The following SNX6 variants were observed in gnomAD, a reference collection of about 807,000 sequenced individuals.
SNX6 encodes the protein sorting nexin 6.
Under a neutral mutation model 63.0 loss-of-function variants are expected in SNX6, and 34 were observed. That is an observed-to-expected ratio of 0.54 (90% CI 0.41 to 0.72). SNX6 has a LOEUF of 0.72. Among genes scored for constraint, SNX6 ranks in the 30% least tolerant of loss-of-function variants. The pLI is 0.00. For synonymous variants in SNX6, 170 were observed against 164.2 expected (o/e 1.04, Z -0.27); for missense variants, 398 against 471.4 (o/e 0.84, Z 1.44).
chr14:34,592,228 A>G (rs1302618510), intron 8 of SNX6, among the ~76,000 whole-genome samples: 1 of 152,042 alleles, frequency 6.6e-6, no homozygotes, highest in Non-Finnish European at 1.5e-5. Context: ...TCTACTAAAA[A>G]TACAAAAATT....
Position 34,603,373 on chromosome 14 carries a change from T to C in SNX6, c.491A>G (p.His164Arg), listed in dbSNP as rs1566483836. ...HPILRRDLNF[H>R]VFLEYNQDLS... ...ATCTTGATTATATTCCAAGAAGACA[T>C]GGAAATTTAAATCTCTTCTCAAAAT... The change falls in exon 6 of 14, where the codon CAT (histidine) becomes CGT (arginine). Residue 164 changes from histidine to arginine, a missense_variant. His to Arg is a conservative substitution (Grantham distance 29). Coordinates refer to ENST00000362031, the MANE Select transcript of SNX6 (RefSeq NM_152233.4). The C allele has an allele frequency of 1.9e-6, 3 of 1,610,680 alleles. No individual in the cohort carries two copies. Among genetic ancestry groups the C allele is most frequent in the Non-Finnish European group, 2.5e-6 (3 of 1,178,610 alleles).
intron 2 of SNX6, among the ~76,000 whole-genome samples, chr14:34,625,194 A>G (rs1331312619): frequency 6.6e-6 from 1 of 152,054 alleles, no homozygotes; most frequent in African/African-American, 2.4e-5. Context: ...GGATTATAGG[A>G]GTGAGCCACT....
rs147604232 is a variant in SNX6 at position 34,567,740 on chromosome 14, A to G, written c.1113T>C (p.Ala371=). Residue 371 remains alanine, a synonymous_variant, in exon 13 of 14, where the codon GCT becomes GCC. Transcript: ENST00000362031. The part of the protein sequence containing the change: ...ELIDFKTRRV[A]AFRKNLVELA... The stretch of plus-strand genomic sequence containing the variant: ...GTTCCACTAAATTTTTTCTGAATGC[A>G]GCAACTCTTCTTGTCTTAAAATCTA... The G allele has an allele frequency of 1.4e-5, 22 of 1,613,766 alleles. No homozygotes were observed. In the African/African-American group the frequency reaches 2.1e-4, roughly 16 times the overall value.
chr14:34,574,218 C>T (rs1268653283), intron 11 of SNX6, among the ~76,000 whole-genome samples: 1 of 151,298 alleles, frequency 6.6e-6, no homozygotes, highest in African/African-American at 2.4e-5. Flanking sequence ...CACCTGTAAT[C>T]CCAGCTACTT....
intron 11 of SNX6, chr14:34,568,686 G>A (rs1050052489): frequency 1.2e-6 from 1 of 864,048 alleles, no homozygotes; most frequent in Non-Finnish European, 1.9e-6. Context: ...AGCATGGTTT[G>A]TTCTAATGCT....
chr14:34,581,649 C>T, intron 9 of SNX6, 49 bp from the exon 10 acceptor site: 2 of 1,183,260 alleles, frequency 1.7e-6, no homozygotes, highest in Non-Finnish European at 2.5e-6. Flanking sequence ...AGTAATTTTC[C>T]ATTTCAAATG....
chr14:34,619,166 G>A (rs1883531948), intron 2 of SNX6, among the ~76,000 whole-genome samples: 1 of 152,210 alleles, frequency 6.6e-6, no homozygotes, highest in Non-Finnish European at 1.5e-5. Flanking sequence ...GCTTATGCCT[G>A]TAATCCCAAC....
At chr14:34,605,447 T>C (rs1468707036) in intron 5 of SNX6, 149 bp downstream of exon 5, 1 of 581,056 alleles carries the variant, frequency 1.7e-6, no homozygotes, top group Non-Finnish European at 2.9e-6. Flanking sequence ...TGATCATTAA[T>C]ACTGGTTGTA....
intron 8 of SNX6, among the ~76,000 whole-genome samples, chr14:34,588,081 C>T (rs962487405): frequency 2.0e-5 from 3 of 151,498 alleles, no homozygotes; most frequent in Non-Finnish European, 1.5e-5. Context: ...AATCTCAGCT[C>T]ACTGCAAGCT....
At chr14:34,626,618 G>A (rs1461831125) in intron 2 of SNX6, among the ~76,000 whole-genome samples, 1 of 143,778 alleles carries the variant, frequency 7.0e-6, no homozygotes, top group Non-Finnish European at 1.5e-5. Context: ...GCAGCGAGCT[G>A]AGATCACGCC....
rs34881787 is a variant in SNX6, at chr14:34,575,196, ATTT to A, written c.921+557_921+559del. Among the ~76,000 whole-genome samples the A allele has an allele frequency of 2.2e-4, 24 of 110,996 alleles. 1 individual carries two copies. Among genetic ancestry groups the A allele is most frequent in the Non-Finnish European group, 2.6e-4 (14 of 53,222 alleles). 72.8% of individuals were successfully genotyped at this position (110,996 alleles called of 152,430 possible). A position where few individuals can be genotyped will look rare whatever the true frequency, so the allele number is the denominator to read the frequency against. On this transcript the variant is annotated intron_variant, in intron 11 of 13. Transcript: ENST00000362031. ...GCATGAGCCACCACCCCTGGCCTCAATTTTTTTTTTTTTTTTTTTGAGACAGAG... is the reference window on the plus strand; with the variant it reads ...GCATGAGCCACCACCCCTGGCCTCAATTTTTTTTTTTTTTTTGAGACAGAG...
intron 11 of SNX6, among the ~76,000 whole-genome samples, chr14:34,568,417 G>C (rs1205784555): frequency 2.0e-5 from 3 of 151,888 alleles, no homozygotes; most frequent in African/African-American, 2.4e-5. Flanking sequence ...TTTTAGTAGA[G>C]ATGGGGTTTC....
At chr14:34,605,496 G>A (rs1882980630) in intron 5 of SNX6, 100 bp downstream of exon 5, 2 of 932,982 alleles carry the variant, frequency 2.1e-6, no homozygotes, top group African/African-American at 1.7e-5. Context: ...GTTTAATGAT[G>A]GGATATCAGA....
chr14:34,576,916 T>C (rs1881733724), intron 10 of SNX6, among the ~76,000 whole-genome samples: 1 of 151,016 alleles, frequency 6.6e-6, no homozygotes, highest in African/African-American at 2.4e-5. Context: ...ACCCCGTCTC[T>C]ACTAAAAATA....
intron 2 of SNX6, among the ~76,000 whole-genome samples, chr14:34,617,381 T>G (rs1026649129): frequency 9.2e-5 from 14 of 152,124 alleles, no homozygotes; most frequent in Admixed American, 6.6e-5. Flanking sequence ...AGCTTATGCC[T>G]ATAATACCAG....
intron 2 of SNX6, among the ~76,000 whole-genome samples, chr14:34,615,190 T>C (rs1323145286): frequency 6.6e-6 from 1 of 152,212 alleles, no homozygotes; most frequent in East Asian, 1.9e-4. Context: ...AAAATATCCC[T>C]GTACTATCCA....
chr14:34,575,776 TTAAG>T lies in SNX6; in HGVS notation c.897_900del (p.Tyr299Ter). The T allele has an allele frequency of 1.3e-6, 2 of 1,589,414 alleles. No individual in the cohort carries two copies. Among genetic ancestry groups the T allele is most frequent in the Non-Finnish European group, 1.7e-6 (2 of 1,166,466 alleles). ...ATTACCTTAGCAGCTTGAGATTCTC[TTAAG>T]TAATATTTTAAAAGATCAGAAAGTT... On this transcript the variant is annotated frameshift_variant, in exon 11 of 14. Transcript: ENST00000362031. LOFTEE classifies it high-confidence loss of function.
intron 9 of SNX6, among the ~76,000 whole-genome samples, 170 bp downstream of exon 9, chr14:34,586,060 G>C (rs8021267): frequency 0.39 from 58,738 of 151,654 alleles, 11,971 homozygotes; most frequent in African/African-American, 0.47. Context: ...GTGTCACCCC[G>C]CCTGGCTAAT....
chr14:34,616,560 G>A (rs1193998827), intron 2 of SNX6, among the ~76,000 whole-genome samples: 3 of 152,012 alleles, frequency 2.0e-5, no homozygotes, highest in South Asian at 2.1e-4. Flanking sequence ...ATCTCACCAT[G>A]TTGCCCAGGC....
Sources: allele counts gnomAD v4.1 joint callset (sites outside exome capture counted in the v4.1 genomes callset), GRCh38; gene constraint gnomAD v4.1.1; transcripts MANE v1.5; gene names NCBI Gene and HGNC (gene_info 2026-07-23, HGNC 2026-07-21).